PLEC: variants seen among roughly 807,000 people sequenced by gnomAD.
PLEC encodes the protein hemidesmosomal protein 1.
Under a neutral mutation model 392.8 loss-of-function variants are expected in PLEC, and 216 were observed. The observed-to-expected ratio is 0.55, with a 90% CI of 0.49 to 0.62. The LOEUF is 0.62. Ranked by LOEUF, PLEC falls within the 20% of genes least tolerant of loss-of-function variation. The pLI is 0.00. For synonymous variants in PLEC, 3,621 were observed against 2,980.6 expected, an observed-to-expected ratio of 1.21 and a Z score of -7.00; for missense variants, 6,863 against 6,563.4, an observed-to-expected ratio of 1.05 and a Z score of -1.58.
Position 143,924,497 on chromosome 8 carries a change from T to C in PLEC, c.5432A>G (p.Glu1811Gly), listed in dbSNP as rs1554697725. 8 of 1,545,538 alleles carry C rather than the reference T, an allele frequency of 5.2e-6. No homozygotes were observed. Among genetic ancestry groups the C allele is most frequent in the African/African-American group, 1.4e-5 (1 of 71,984 alleles). ...EEAARLRALAEEAKRQRQLAE... is the reference protein window; with the variant it reads ...EEAARLRALAGEAKRQRQLAE... ...CAGCTGCCGCTGCCGCTTGGCCTCTTCCGCCAGGGCACGCAGGCGGGCGGC... is the reference window on the plus strand; with the variant it reads ...CAGCTGCCGCTGCCGCTTGGCCTCTCCCGCCAGGGCACGCAGGCGGGCGGC... Residue 1811 changes from glutamate to glycine, a missense_variant, in exon 31 of 32, where the codon GAA becomes GGA. Coordinates refer to ENST00000345136, the MANE Select transcript of PLEC (RefSeq NM_201384.3).
rs782278045 is a variant in PLEC, at chr8:143,925,006, C to A, written c.4923G>T (p.Ala1641=). The stretch of plus-strand genomic sequence containing the variant: ...CCTCCGCCTGCAGCCGCAGCCGTAG[C>A]GCCTCGTTGGCCTTGAGCTGCCAGC... The part of the protein sequence containing the change: ...LERWQLKANE[A]LRLRLQAEEV... The change falls in exon 31 of 32, where the codon GCG becomes GCT. Residue 1641 remains alanine, a synonymous_variant. Coordinates refer to ENST00000345136, the MANE Select transcript of PLEC (RefSeq NM_201384.3). The A allele has an allele frequency of 1.9e-6, 3 of 1,575,026 alleles. No homozygotes were observed. Among genetic ancestry groups the A allele is most frequent in the Non-Finnish European group, 2.6e-6 (3 of 1,168,568 alleles).
rs372124539 is a variant in PLEC, at chr8:143,919,773, G to C, written c.10048C>G (p.Leu3350Val). The C allele has an allele frequency of 6.2e-7, 1 of 1,611,678 alleles. No individual in the cohort carries two copies. The highest frequency in any genetic ancestry group is 8.5e-7 in the Non-Finnish European group (1 of 1,179,100). ...GCGAGGCAGCCACTGCCCTGCAGCA[G>C]CGTCCGCACGGAGCCCAGCTCCGAA... ...DLSELGSVRT[L>V]LQGSGCLAGI... The change falls in exon 32 of 32, where the codon CTG becomes GTG. Residue 3350 changes from leucine (L) to valine (V), a missense_variant. Physicochemically the swap from Leu to Val is conservative, Grantham distance 32. Transcript: ENST00000345136.
upstream of PLEC, chr8:143,953,614 G>A: frequency 1.7e-6 from 2 of 1,165,244 alleles, no homozygotes; most frequent in Middle Eastern, 3.8e-4. Flanking sequence ...GCGACCCACA[G>A]TGTCACCCCA....
At chr8:143,925,955 C>T (rs879973886) in intron 30 of PLEC, 71 bp from the exon 31 acceptor site, 3 of 1,459,280 alleles carry the variant, frequency 2.1e-6, no homozygotes, top group South Asian at 2.4e-5. Flanking sequence ...ACGGGGCACG[C>T]ACCGGCACAG....
rs782242954 is a variant in PLEC at position 143,922,182 on chromosome 8, G to A, written c.7639C>T (p.Arg2547Trp). 3.7e-5 allele frequency: 57 copies of A among 1,545,136 alleles called. No homozygotes were observed. The East Asian group carries it at 5.8e-4, about 16-fold the overall frequency. The change falls in exon 32 of 32, where the codon CGG (arginine) becomes TGG (tryptophan). Residue 2547 changes from arginine to tryptophan, a missense_variant. Coordinates refer to ENST00000345136, the MANE Select transcript of PLEC (RefSeq NM_201384.3). ...QQQQMEQERQ[R>W]LVASMEEARR... The stretch of plus-strand genomic sequence containing the variant: ...GCCTCCTCCATGCTGGCCACCAGCC[G>A]CTGCCGTTCCTGCTCCATCTGCTGC...
intron 30 of PLEC, 148 bp downstream of exon 30, chr8:143,926,636 A>T: frequency 2.6e-6 from 2 of 757,238 alleles, no homozygotes; most frequent in South Asian, 1.4e-5. Flanking sequence ...GGGCAGGCTG[A>T]GCTGGGGGCA....
At position 143,918,426 on chromosome 8, in the gene PLEC, G is replaced by T. The variant is rs1821319778; in HGVS notation, c.11395C>A (p.Leu3799Met). Reference protein sequence around the residue: ...ELIPTEEALRLLDAQLATGGI... With the variant: ...ELIPTEEALRMLDAQLATGGI... ...CCGGTGGCCAGCTGGGCATCCAGCA[G>T]CCGCAGGGCCTCCTCAGTAGGGATC... The change falls in exon 32 of 32, where the codon CTG becomes ATG. Residue 3799 changes from leucine (L) to methionine (M), a missense_variant. Transcript: ENST00000345136. 1.3e-6 allele frequency: 2 copies of T among 1,576,224 alleles called. No homozygotes were observed. The highest frequency in any genetic ancestry group is 2.3e-5 in the East Asian group (1 of 43,234).
At chr8:143,942,385 C>CA (rs1463735161), upstream of PLEC, 4 of 1,602,856 alleles carry the variant, frequency 2.5e-6, no homozygotes, top group East Asian at 8.9e-5. Flanking sequence ...CACGCCACTG[C>CA]ACCCACCTAC....
At chr8:143,938,778 G>A in intron 1 of PLEC, 86 bp from the exon 2 acceptor site, 1 of 1,200,844 alleles carries the variant, frequency 8.3e-7, no homozygotes. Context: ...CAGCAGCCTG[G>A]CTGGCCAGGT....
intron 6 of PLEC, 131 bp downstream of exon 6, chr8:143,935,717 C>A (rs912636671): frequency 1.0e-6 from 1 of 982,444 alleles, no homozygotes. Flanking sequence ...TCCACCACCC[C>A]GAGGCGGCCA....
chr8:143,916,677 C>T lies in PLEC; in HGVS notation c.13144G>A (p.Glu4382Lys), dbSNP rs1766002976. 6.2e-7 allele frequency: 1 copy of T among 1,611,824 alleles called. No homozygotes were observed. The highest frequency in any genetic ancestry group is 8.5e-7 in the Non-Finnish European group (1 of 1,179,384). The part of the protein sequence containing the change: ...QALKKGWLYY[E>K]AGQRFLEVQY... ...ACCTCCAGGAAGCGCTGGCCGGCCT[C>T]GTAGTAGAGCCAGCCCTTCTTCAGG... Residue 4382 changes from glutamate (E) to lysine (K), a missense_variant, in exon 32 of 32, where the codon GAG becomes AAG. Physicochemically the swap from Glu to Lys is moderately conservative, Grantham distance 56 (BLOSUM62 1). Coordinates refer to ENST00000345136, the MANE Select transcript of PLEC (RefSeq NM_201384.3).
In PLEC at chr8:143,973,390, C is replaced by CG. The variant is rs1406818581; in HGVS notation, c.70+12dup. 7.1e-6 allele frequency: 11 copies of CG among 1,559,534 alleles called. No individual in the cohort carries two copies. The highest frequency in any genetic ancestry group is 3.7e-5 in the Admixed American group (2 of 53,704). ...AGGAGCGGCCCGACAGGCAGCGGGA[C>CG]GGGGGGCCGTACCTTTGTACTTCTC... On this transcript the variant is annotated intron_variant, in intron 1 of 31. Coordinates refer to the PLEC transcript ENST00000356346. The surrounding 1 kb of genome is among the most constrained non-coding windows in gnomAD (Gnocchi z 5.6).
At chr8:143,968,240 G>A (rs1240688721) in intron 1 of PLEC, among the ~76,000 whole-genome samples, 3 of 151,810 alleles carry the variant, frequency 2.0e-5, no homozygotes, top group Admixed American at 2.0e-4. Flanking sequence ...AGCAACCAAG[G>A]AAAAAGATAG....
At chr8:143,933,422 C>G (rs952296207) in intron 12 of PLEC, 71 bp from the exon 13 acceptor site, 2 of 1,581,398 alleles carry the variant, frequency 1.3e-6, no homozygotes, top group Non-Finnish European at 1.7e-6. Context: ...CCGGCCAAGA[C>G]GGCCACCCTC....
intron 1 of PLEC, among the ~76,000 whole-genome samples, chr8:143,949,517 G>T (rs1041114927): frequency 6.6e-6 from 1 of 152,158 alleles, no homozygotes; most frequent in African/African-American, 2.4e-5. Context: ...TGTCCTGTGC[G>T]ACCTGGTTCG....
intron 1 of PLEC, among the ~76,000 whole-genome samples, chr8:143,964,216 G>A (rs1554741594): frequency 1.3e-5 from 2 of 152,168 alleles, no homozygotes; most frequent in African/African-American, 4.8e-5. Flanking sequence ...AGTTTTGAGG[G>A]ACCAGAGGAC....
chr8:143,965,050 G>A lies in PLEC; in HGVS notation c.70+8353C>T, dbSNP rs181843256. Among the ~76,000 whole-genome samples, 27 of 41,826 alleles carry A rather than the reference G, an allele frequency of 6.5e-4. No homozygotes were observed. In the East Asian group the frequency reaches 0.018, roughly 28 times the overall value. The allele number at this position is 41,826 out of a possible 152,430, so 27.4% of individuals were successfully genotyped here. A position where few individuals can be genotyped will look rare whatever the true frequency, so the allele number is the denominator to read the frequency against. Reference sequence around the variant, plus strand: ...GTGGATGGCCTTCCCCACCCTCACCGTCCCACTTGGCCCCAGCCCACCTGA... The same window carrying A: ...GTGGATGGCCTTCCCCACCCTCACCATCCCACTTGGCCCCAGCCCACCTGA... On this transcript the variant is annotated intron_variant, in intron 1 of 31. Coordinates refer to the PLEC transcript ENST00000356346.
Position 143,917,448 on chromosome 8 carries a change from T to G in PLEC, c.12373A>C (p.Lys4125Gln). 6.2e-7 allele frequency: 1 copy of G among 1,613,570 alleles called. No individual in the cohort carries two copies. Among genetic ancestry groups the G allele is most frequent in the Non-Finnish European group, 8.5e-7 (1 of 1,179,994 alleles). ...TTGGAGGACGTCTTCCGCTCCCGCT[T>G]CTTCTCCTTCAGCGGCAAGAGACAC... is the stretch of plus-strand genomic sequence containing the variant. ...GLCLLPLKEK[K>Q]RERKTSSKSS... is the part of the protein sequence containing the mutation. Residue 4125 changes from lysine (K) to glutamine (Q), a missense_variant, in exon 32 of 32, where the codon AAG (lysine) becomes CAG (glutamine). Physicochemically the swap from Lys to Gln is moderately conservative, Grantham distance 53 (BLOSUM62 1). Coordinates refer to ENST00000345136, the MANE Select transcript of PLEC (RefSeq NM_201384.3).
rs1826530645 is a variant in PLEC at position 143,929,712 on chromosome 8, T to A, written c.2857A>T (p.Met953Leu). The A allele has an allele frequency of 5.6e-6, 9 of 1,599,674 alleles. No individual in the cohort carries two copies. Among genetic ancestry groups the A allele is most frequent in the Non-Finnish European group, 5.9e-6 (7 of 1,179,218 alleles). ...CAGGAGCCGTACTCGCGCTCAGCCA[T>A]CAGCCGGTCCTCGGGTCCGAAGCCG... ...AGGFGPEDRLMAEREYGSCSH... is the reference protein window; with the variant it reads ...AGGFGPEDRLLAEREYGSCSH... The change falls in exon 23 of 32, where the codon ATG (methionine) becomes TTG (leucine). Residue 953 changes from methionine to leucine, a missense_variant. Coordinates refer to ENST00000345136, the MANE Select transcript of PLEC (RefSeq NM_201384.3).
Sources: allele counts gnomAD v4.1 joint callset (sites outside exome capture counted in the v4.1 genomes callset), GRCh38; gene constraint gnomAD v4.1.1; non-coding constraint Gnocchi (gnomAD v3.1); transcripts MANE v1.5; gene names NCBI Gene and HGNC (gene_info 2026-07-23, HGNC 2026-07-21).